The following ADGRV1 variants were observed in gnomAD, a reference collection of about 807,000 sequenced individuals.
ADGRV1 encodes adhesion G protein-coupled receptor V1, also known as G-protein coupled receptor 98.
Under a neutral mutation model 596.2 loss-of-function variants are expected in ADGRV1, and 359 were observed. The ratio of observed to expected loss-of-function variants is 0.60; its 90% CI spans 0.55 to 0.66. The LOEUF (loss-of-function observed/expected upper bound fraction) is 0.66. Ranked by LOEUF, ADGRV1 falls within the 30% of genes least tolerant of loss-of-function variation. ADGRV1 has a pLI of 0.00. For synonymous variants in ADGRV1, 2,681 were observed against 2,679.2 expected, an observed-to-expected ratio of 1.00 and a Z score of -0.02; for missense variants, 7,274 against 7,575.6, an observed-to-expected ratio of 0.96 and a Z score of 1.48.
chr5:90,687,902 A>G (rs1356742282), intron 29 of ADGRV1, among the ~76,000 whole-genome samples: 1 of 152,192 alleles, frequency 6.6e-6, no homozygotes, highest in East Asian at 1.9e-4. Context: ...ATAAAAGAGG[A>G]TACAAACAAG....
At chr5:91,041,111 G>A (rs1361012522) in intron 85 of ADGRV1, among the ~76,000 whole-genome samples, 4 of 152,050 alleles carry the variant, frequency 2.6e-5, no homozygotes, top group South Asian at 4.2e-4. Context: ...TAGAAATACC[G>A]TTTGACCCAG....
In ADGRV1 at chr5:90,756,522, C is replaced by G. The variant is rs763348134; in HGVS notation, c.11649C>G (p.Asp3883Glu). The G allele has an allele frequency of 6.8e-6, 11 of 1,612,092 alleles. No homozygotes were observed. The highest frequency in any genetic ancestry group is 1.7e-5 in the Admixed American group (1 of 59,916). Residue 3883 changes from aspartate to glutamate, a missense_variant, in exon 56 of 90, where the codon GAC becomes GAG. By Grantham distance (45) the Asp-to-Glu change is conservative. Around this residue, in one of 5 missense-constraint regions of ADGRV1, gnomAD observed 3,643 missense variants for 3,809.2 expected, o/e 0.96. Coordinates refer to ENST00000405460, the MANE Select transcript of ADGRV1 (RefSeq NM_032119.4). ...CTGAGGTGAACCTGGTGAACTCTGACTTCTCTACAGGACAGCCAAGTGTGC... is the reference window on the plus strand; with the variant it reads ...CTGAGGTGAACCTGGTGAACTCTGAGTTCTCTACAGGACAGCCAAGTGTGC... ...TITEVNLVNS[D>E]FSTGQPSVRR...
Position 90,692,543 on chromosome 5 carries a change from A to G in ADGRV1, c.6952-62A>G, listed in dbSNP as rs187947075. 6.7e-5 allele frequency: 88 copies of G among 1,322,118 alleles called. 2 individuals carry two copies. The Admixed American group carries it at 1.2e-3, about 18-fold the overall frequency. 81.9% of individuals were successfully genotyped at this position (1,322,118 alleles called of 1,614,324 possible). ...TATATGTTTGATTTTTTTCCCTTGAATCATTTTTATTCTAATTTCAGAACT... is the reference window on the plus strand; with the variant it reads ...TATATGTTTGATTTTTTTCCCTTGAGTCATTTTTATTCTAATTTCAGAACT... On this transcript the variant is annotated intron_variant, in intron 31 of 89. Transcript: ENST00000405460.
chr5:90,944,442 T>C (rs1776407154), intron 83 of ADGRV1, among the ~76,000 whole-genome samples: 3 of 152,184 alleles, frequency 2.0e-5, no homozygotes, highest in Admixed American at 2.0e-4. Flanking sequence ...GAAATACCAA[T>C]TGGTTTGCCT....
At chr5:90,834,856 G>T (rs1466484291) in intron 77 of ADGRV1, among the ~76,000 whole-genome samples, 1 of 150,066 alleles carries the variant, frequency 6.7e-6, no homozygotes, top group Non-Finnish European at 1.5e-5. Context: ...TGTTTCCTCT[G>T]CCTATTTTCT....
chr5:90,803,729 T>G (rs963125023), intron 71 of ADGRV1, among the ~76,000 whole-genome samples: 1 of 151,806 alleles, frequency 6.6e-6, no homozygotes, highest in East Asian at 1.9e-4. Context: ...AGTAAAAGGT[T>G]TTTTTTTTCT....
At position 90,720,213 on chromosome 5, in the gene ADGRV1, G is replaced by A. The variant is rs1434162115; in HGVS notation, c.9613G>A (p.Val3205Ile). The A allele has an allele frequency of 3.2e-6, 5 of 1,539,100 alleles. No homozygotes were observed. Among genetic ancestry groups the A allele is most frequent in the Non-Finnish European group, 4.4e-6 (5 of 1,141,552 alleles). Residue 3205 changes from valine to isoleucine, a missense_variant, in exon 44 of 90, where the codon GTT (valine) becomes ATT (isoleucine). Physicochemically the swap from Val to Ile is conservative, Grantham distance 29. Coordinates refer to ENST00000405460, the MANE Select transcript of ADGRV1 (RefSeq NM_032119.4). Reference protein sequence around the residue: ...APLGLFSISAVENRATSIDIE... With the variant: ...APLGLFSISAIENRATSIDIE... ...TTTGGGGCTATTCAGTATCTCTGCAGTTGAAAATAGGTATAGTTTATTCAT... is the reference window on the plus strand; with the variant it reads ...TTTGGGGCTATTCAGTATCTCTGCAATTGAAAATAGGTATAGTTTATTCAT...
At chr5:90,718,994 A>G (rs188606134) in intron 43 of ADGRV1, among the ~76,000 whole-genome samples, 1 of 152,284 alleles carries the variant, frequency 6.6e-6, no homozygotes, top group East Asian at 1.9e-4. Context: ...TGGCTTAGTG[A>G]CTGTAAAGAT....
At chr5:90,906,380 T>G (rs1055555974) in intron 83 of ADGRV1, among the ~76,000 whole-genome samples, 1 of 152,112 alleles carries the variant, frequency 6.6e-6, no homozygotes, top group African/African-American at 2.4e-5. Flanking sequence ...TGGGAGAAAT[T>G]TTATTACAGC....
chr5:91,028,037 CTT>C (rs748293256), intron 85 of ADGRV1, among the ~76,000 whole-genome samples: 9 of 102,556 alleles, frequency 8.8e-5, no homozygotes, highest in Admixed American at 1.8e-4. Flanking sequence ...TTTTTTCTTT[CTT>C]TTTTTTTTTT....
chr5:91,014,851 C>T (rs562852483), intron 85 of ADGRV1, among the ~76,000 whole-genome samples: 191 of 1,262 alleles, frequency 0.15, no homozygotes, highest in African/African-American at 0.31. Context: ...CTCCATCTTT[C>T]GAATGGTTTT....
At chr5:91,048,246 A>G (rs1786001912) in intron 85 of ADGRV1, among the ~76,000 whole-genome samples, 1 of 152,244 alleles carries the variant, frequency 6.6e-6, no homozygotes, top group Admixed American at 6.5e-5. Flanking sequence ...CTAGCAACTC[A>G]GTACCTTCTG....
chr5:91,062,677 G>A (rs942252015), intron 85 of ADGRV1, among the ~76,000 whole-genome samples: 1 of 152,048 alleles, frequency 6.6e-6, no homozygotes, highest in Non-Finnish European at 1.5e-5. Flanking sequence ...CTCCTTTTCT[G>A]CAACATTCAG....
chr5:90,965,623 A>C (rs1021462669), intron 84 of ADGRV1, 92 bp downstream of exon 84: 29 of 656,894 alleles, frequency 4.4e-5, no homozygotes, highest in South Asian at 1.5e-4. Flanking sequence ...ACTGAAGTAG[A>C]AGTAATTCCG....
chr5:90,628,029 T>C (rs1201761441), intron 7 of ADGRV1: 2 of 271,992 alleles, frequency 7.4e-6, no homozygotes, highest in Admixed American at 9.8e-5. Context: ...GATTTAATTA[T>C]GCAAATGATT....
chr5:90,677,111 T>G (rs975713490), intron 25 of ADGRV1, among the ~76,000 whole-genome samples: 2 of 152,166 alleles, frequency 1.3e-5, no homozygotes, highest in African/African-American at 4.8e-5. Context: ...ATCAGGACAG[T>G]CCCTTTCATT....
At chr5:90,816,418 A>C (rs1011238300) in intron 75 of ADGRV1, among the ~76,000 whole-genome samples, 4 of 148,404 alleles carry the variant, frequency 2.7e-5, no homozygotes, top group African/African-American at 1.0e-4. Flanking sequence ...TTTAAATTTT[A>C]TTATTATTAT....
At chr5:91,139,142 G>T (rs537210466) in intron 87 of ADGRV1, among the ~76,000 whole-genome samples, 1 of 152,280 alleles carries the variant, frequency 6.6e-6, no homozygotes, top group South Asian at 2.1e-4. Context: ...AGCATAGCAC[G>T]AGAAGTTGCA....
At chr5:91,059,970 T>TACACAGCAAACA (rs1263088689) in intron 85 of ADGRV1, among the ~76,000 whole-genome samples, 61 of 152,246 alleles carry the variant, frequency 4.0e-4, no homozygotes, top group Non-Finnish European at 7.5e-4. Flanking sequence ...CTTAGTACAT[T>TACACAGCAAACA]TTTATGTACT....
Sources: allele counts gnomAD v4.1 joint callset (sites outside exome capture counted in the v4.1 genomes callset), GRCh38; gene constraint gnomAD v4.1.1; regional missense constraint gnomAD v4.1.1; transcripts MANE v1.5; gene names NCBI Gene and HGNC (gene_info 2026-07-23, HGNC 2026-07-21).